The following USPL1 variants were observed in gnomAD, a reference collection of about 807,000 sequenced individuals.
The protein encoded by USPL1 is ubiquitin specific peptidase like 1.
A neutral mutation model predicts 51.5 loss-of-function variants in USPL1; 27 were observed. The observed-to-expected ratio is 0.52, with a 90% CI of 0.39 to 0.72. The LOEUF (loss-of-function observed/expected upper bound fraction) is 0.72. Among genes scored for constraint, USPL1 ranks in the 30% least tolerant of loss-of-function variants. USPL1 has a pLI of 0.00. For synonymous variants in USPL1, 451 were observed against 459.6 expected (o/e 0.98, Z 0.24); for missense variants, 1,226 against 1,268.0 (o/e 0.97, Z 0.50).
chr13:30,633,984 G>A (rs1003851412), intron 4 of USPL1, among the ~76,000 whole-genome samples: 9 of 151,938 alleles, frequency 5.9e-5, no homozygotes, highest in Non-Finnish European at 7.4e-5. Context: ...TTCTTTCTTC[G>A]CAGTTTCATG....
rs1378486390 is a variant in USPL1, at chr13:30,659,169, A to G, written c.3092A>G (p.Lys1031Arg). The G allele has an allele frequency of 1.9e-6, 3 of 1,614,178 alleles. No homozygotes were observed. The highest frequency in any genetic ancestry group is 2.5e-6 in the Non-Finnish European group (3 of 1,180,026). The change falls in exon 9 of 9, where the codon AAG (lysine) becomes AGG (arginine). Residue 1031 changes from lysine (K) to arginine (R), a missense_variant. Transcript: ENST00000255304. ...RQDHNYCSPTKKNPCEVQPDS... is the reference protein window; with the variant it reads ...RQDHNYCSPTRKNPCEVQPDS... ...GACCATAATTATTGTAGCCCCACCA[A>G]GAAAAATCCATGTGAAGTTCAGCCA... is the stretch of plus-strand genomic sequence containing the variant.
chr13:30,623,427 C>T (rs1026045995), intron 3 of USPL1, among the ~76,000 whole-genome samples: 1 of 152,064 alleles, frequency 6.6e-6, no homozygotes, highest in South Asian at 2.1e-4. Flanking sequence ...AAGTTGACTT[C>T]AGTGTTAAAA....
At position 30,618,065 on chromosome 13, in the gene USPL1, G is replaced by A. The variant is rs947833380; in HGVS notation, c.-69+9G>A. 2 of 152,480 alleles carry A rather than the reference G, an allele frequency of 1.3e-5. No homozygotes were observed. Among genetic ancestry groups the A allele is most frequent in the Non-Finnish European group, 2.9e-5 (2 of 68,274 alleles). The allele number at this position is 152,480 out of a possible 1,614,324, so 9.4% of individuals were successfully genotyped here. The stretch of plus-strand genomic sequence containing the variant: ...GGGAGTGCCCGCGGCAGGTAAGGGA[G>A]AAGAGGGAGGGGTTTCTTTCCGCTC... On this transcript the variant is annotated intron_variant, in intron 1 of 8. Coordinates refer to ENST00000255304, the MANE Select transcript of USPL1 (RefSeq NM_005800.5).
intron 4 of USPL1, among the ~76,000 whole-genome samples, chr13:30,634,434 G>A (rs1011903239): frequency 6.6e-6 from 1 of 152,202 alleles, no homozygotes; most frequent in South Asian, 2.1e-4. Context: ...ACCATAGGAA[G>A]CAAAACACGG....
At chr13:30,618,111 A>C (rs1171861326) in intron 1 of USPL1, 55 bp downstream of exon 1, 1 of 152,374 alleles carries the variant, frequency 6.6e-6, no homozygotes, top group African/African-American at 2.4e-5. Flanking sequence ...GAAAAGAGAC[A>C]GAGCTGGGAT....
At position 30,659,326 on chromosome 13, in the gene USPL1, T is replaced by C; in HGVS notation, c.3249T>C (p.His1083=). ...ALANDTLDLP[H]FDEYLFENY The stretch of plus-strand genomic sequence containing the variant: ...CAAATGACACATTAGACCTACCTCA[T>C]TTCGATGAATATCTGTTTGAGAATT... Residue 1083 remains histidine, a synonymous_variant, in exon 9 of 9, where the codon CAT becomes CAC. Coordinates refer to ENST00000255304, the MANE Select transcript of USPL1 (RefSeq NM_005800.5). 6.2e-7 allele frequency: 1 copy of C among 1,601,834 alleles called. No individual in the cohort carries two copies. The highest frequency in any genetic ancestry group is 1.7e-5 in the Admixed American group (1 of 57,752).
At chr13:30,640,864 A>C (rs112883563) in intron 5 of USPL1, among the ~76,000 whole-genome samples, 29 of 152,286 alleles carry the variant, frequency 1.9e-4, no homozygotes, top group African/African-American at 3.1e-4. Context: ...AAATATGTAC[A>C]TCATAAGGAA....
chr13:30,632,396 T>A (rs1280967715), intron 4 of USPL1, among the ~76,000 whole-genome samples: 4 of 149,910 alleles, frequency 2.7e-5, no homozygotes, highest in Non-Finnish European at 5.9e-5. Context: ...TCCAAGTCTT[T>A]GCTATTGTGA....
intron 5 of USPL1, 113 bp from the exon 6 acceptor site, chr13:30,642,515 A>C: frequency 7.5e-7 from 1 of 1,325,680 alleles, no homozygotes; most frequent in South Asian, 1.4e-5. Context: ...GTCATACTGT[A>C]TTAACACATA....
At chr13:30,630,587 T>G (rs1028470297) in intron 3 of USPL1, among the ~76,000 whole-genome samples, 2 of 152,226 alleles carry the variant, frequency 1.3e-5, no homozygotes, top group Non-Finnish European at 2.9e-5. Context: ...CCTTATTAGC[T>G]TACCCTTTTG....
chr13:30,636,487 G>A lies in USPL1; in HGVS notation c.869-1257G>A, dbSNP rs577249040. 3.9e-5 allele frequency among the ~76,000 whole-genome samples: 6 copies of A among 152,200 alleles called. No individual in the cohort carries two copies. In the South Asian group the frequency reaches 1.2e-3, roughly 32 times the overall value. ...TGTATGAATTATTTATAAGAGATGT[G>A]AGTGAAAAGATCTATTTGTAGCTTA... On this transcript the variant is annotated intron_variant, in intron 4 of 8. Coordinates refer to ENST00000255304, the MANE Select transcript of USPL1 (RefSeq NM_005800.5).
chr13:30,621,213 C>T lies in USPL1; in HGVS notation c.73C>T (p.Leu25Phe), dbSNP rs377303663. The change falls in exon 2 of 9, where the codon CTC becomes TTC. Residue 25 changes from leucine to phenylalanine, a missense_variant. By Grantham distance (22) the Leu-to-Phe change is conservative. Transcript: ENST00000255304. The part of the protein sequence containing the change: ...GPGTDIGISS[L>F]HMVGYLGKNF... The stretch of plus-strand genomic sequence containing the variant: ...AGGGACTGATATAGGGATATCTTCA[C>T]TCCACATGGTGGGGTATTTGGGAAA... 6.3e-6 allele frequency: 10 copies of T among 1,599,610 alleles called. No individual in the cohort carries two copies. Among genetic ancestry groups the T allele is most frequent in the Non-Finnish European group, 6.8e-6 (8 of 1,174,906 alleles).
intron 5 of USPL1, among the ~76,000 whole-genome samples, chr13:30,642,105 G>C (rs1053013262): frequency 1.3e-5 from 2 of 151,960 alleles, no homozygotes; most frequent in Non-Finnish European, 2.9e-5. Flanking sequence ...TAGAGATAAT[G>C]CCTCGCTATA....
intron 7 of USPL1, among the ~76,000 whole-genome samples, chr13:30,651,230 C>T (rs550065844): frequency 6.6e-6 from 1 of 152,268 alleles, no homozygotes; most frequent in South Asian, 2.1e-4. Flanking sequence ...TATAATTGCT[C>T]TAGTTGTTGT....
intron 5 of USPL1, among the ~76,000 whole-genome samples, chr13:30,640,196 C>A (rs1950928544): frequency 6.6e-6 from 1 of 151,940 alleles, no homozygotes; most frequent in African/African-American, 2.4e-5. Flanking sequence ...TATTTTAGAC[C>A]TGAAGATTTT....
chr13:30,625,104 A>G (rs917828692), intron 3 of USPL1, among the ~76,000 whole-genome samples: 1 of 152,154 alleles, frequency 6.6e-6, no homozygotes, highest in African/African-American at 2.4e-5. Flanking sequence ...CCTTTGGACT[A>G]GTTGAAGGCA....
At chr13:30,619,326 A>G (rs111247514) in intron 1 of USPL1, among the ~76,000 whole-genome samples, 5 of 152,262 alleles carry the variant, frequency 3.3e-5, no homozygotes, top group South Asian at 2.1e-4. Context: ...GGGGGATTCT[A>G]TATATTCGGG....
intron 6 of USPL1, among the ~76,000 whole-genome samples, chr13:30,646,397 C>T (rs1458120982): frequency 6.6e-6 from 1 of 151,430 alleles, no homozygotes; most frequent in East Asian, 1.9e-4. Context: ...TGTATGTATT[C>T]CTGATTTTAT....
At chr13:30,652,098 T>C (rs1370355654) in intron 7 of USPL1, among the ~76,000 whole-genome samples, 2 of 152,248 alleles carry the variant, frequency 1.3e-5, no homozygotes, top group African/African-American at 4.8e-5. Flanking sequence ...ATATGTGAAA[T>C]TGATGTCATG....
Sources: gnomAD v4.1 joint callset for allele counts (sites outside exome capture counted in the v4.1 genomes callset) on GRCh38, gnomAD v4.1.1 for gene constraint, MANE v1.5 for transcripts, NCBI Gene and HGNC (gene_info 2026-07-23, HGNC 2026-07-21) for gene names.